Variants in RAD51B observed in about 807,000 individuals in gnomAD.
RAD51B encodes DNA repair protein RAD51 homolog 2.
RAD51B carries 38 observed loss-of-function variants against 42.2 expected under a neutral mutation model. The ratio of observed to expected loss-of-function variants is 0.90; its 90% CI spans 0.70 to 1.18. The LOEUF (loss-of-function observed/expected upper bound fraction) is 1.18, where lower values mean the gene tolerates loss of function less well. Ranked by LOEUF, RAD51B falls within the 50% of genes most tolerant of loss-of-function variation. RAD51B has a pLI of 0.00. For synonymous variants in RAD51B, 154 were observed against 145.2 expected (o/e 1.06, Z -0.43); for missense variants, 373 against 400.7 (o/e 0.93, Z 0.59).
intron 8 of RAD51B, among the ~76,000 whole-genome samples, chr14:68,400,517 A>G (rs2084070305): frequency 6.6e-6 from 1 of 152,210 alleles, no homozygotes; most frequent in African/African-American, 2.4e-5. Flanking sequence ...GTGACCATGT[A>G]TAATACACAA....
At chr14:68,140,852 T>A (rs892710632) in intron 7 of RAD51B, among the ~76,000 whole-genome samples, 1 of 152,200 alleles carries the variant, frequency 6.6e-6, no homozygotes, top group Non-Finnish European at 1.5e-5. Context: ...GTTAGGCAAA[T>A]CTGGTTAATT....
intron 3 of RAD51B, 39 bp downstream of exon 3, chr14:67,825,616 T>G (rs781395676): frequency 1.2e-5 from 17 of 1,443,938 alleles, no homozygotes; most frequent in Non-Finnish European, 1.6e-5. Flanking sequence ...TATGAATGAT[T>G]CCTCATCTCA....
chr14:68,347,093 A>AT (rs141008089), intron 8 of RAD51B, among the ~76,000 whole-genome samples: 6,878 of 146,820 alleles, frequency 0.047, 460 homozygotes, highest in African/African-American at 0.15. Flanking sequence ...TCCTCAACAC[A>AT]TTTTTTTTTT....
chr14:68,365,959 A>G (rs1451767787), intron 8 of RAD51B, among the ~76,000 whole-genome samples: 1 of 152,104 alleles, frequency 6.6e-6, no homozygotes, highest in African/African-American at 2.4e-5. Context: ...TTAGGCAGGA[A>G]GGTGAGTTTT....
chr14:68,286,246 T>G (rs2081413086), intron 7 of RAD51B, among the ~76,000 whole-genome samples: 2 of 152,238 alleles, frequency 1.3e-5, no homozygotes, highest in African/African-American at 4.8e-5. Context: ...ACTATTGGTC[T>G]TAGGTGACTC....
chr14:68,491,027 T>C (rs1043269073), intron 10 of RAD51B, among the ~76,000 whole-genome samples: 1 of 152,104 alleles, frequency 6.6e-6, no homozygotes, highest in Non-Finnish European at 1.5e-5. Context: ...GAGTTATGGA[T>C]AAAAAGGGAG....
rs189203654 is a variant in RAD51B at position 67,954,957 on chromosome 14, G to A, written c.756+67753G>A. On this transcript the variant is annotated intron_variant, in intron 7 of 10. Transcript: ENST00000471583. ...ATGTTTAGAGATCAGAGGAGTAAGA[G>A]GACAGGAGATGGGTGGAGGTATAGG... Among the ~76,000 whole-genome samples, 139 of 152,176 alleles carry A rather than the reference G, an allele frequency of 9.1e-4. 1 individual carries two copies. Among genetic ancestry groups the A allele is most frequent in the African/African-American group, 3.3e-3 (136 of 41,532 alleles).
At chr14:68,390,368 T>G (rs1049780958) in intron 8 of RAD51B, among the ~76,000 whole-genome samples, 1 of 152,268 alleles carries the variant, frequency 6.6e-6, no homozygotes, top group Non-Finnish European at 1.5e-5. Context: ...TTGCTAAATA[T>G]TCACATTTGG....
intron 11 of RAD51B, among the ~76,000 whole-genome samples, chr14:68,654,594 G>A (rs1019456687): frequency 1.3e-5 from 2 of 152,188 alleles, no homozygotes; most frequent in African/African-American, 4.8e-5. Flanking sequence ...GTGTGAACAG[G>A]GCTGTTTCTG....
At chr14:67,941,901 CA>C (rs2045223175) in intron 7 of RAD51B, among the ~76,000 whole-genome samples, 1 of 152,178 alleles carries the variant, frequency 6.6e-6, no homozygotes, top group Non-Finnish European at 1.5e-5. Context: ...GCTGGGAAAG[CA>C]GAATGAAAGC....
intron 7 of RAD51B, among the ~76,000 whole-genome samples, chr14:68,134,095 G>C (rs1335655022): frequency 4.6e-5 from 7 of 152,100 alleles, no homozygotes. Flanking sequence ...GCCACATCCT[G>C]CTAGCCACAC....
chr14:68,190,712 C>G (rs2079248048), intron 7 of RAD51B, among the ~76,000 whole-genome samples: 6 of 152,104 alleles, frequency 3.9e-5, no homozygotes, highest in Admixed American at 3.9e-4. Flanking sequence ...TAAAATTTTC[C>G]TGACTCCATT....
intron 7 of RAD51B, among the ~76,000 whole-genome samples, chr14:68,103,847 T>A (rs2077332123): frequency 6.6e-6 from 1 of 152,200 alleles, no homozygotes; most frequent in Non-Finnish European, 1.5e-5. Flanking sequence ...GTTCTATGGA[T>A]GAGAAATGTA....
At chr14:68,230,319 A>G (rs1390582812) in intron 7 of RAD51B, among the ~76,000 whole-genome samples, 1 of 152,240 alleles carries the variant, frequency 6.6e-6, no homozygotes, top group East Asian at 1.9e-4. Flanking sequence ...TTTTCAGAGT[A>G]GGACATCTGT....
chr14:67,928,003 T>TG lies in RAD51B; in HGVS notation c.756+40800dup, dbSNP rs1314312263. ...TTGTCTGGTTTTGGTATCAGGGTAATGCTGGCCTCATAGAATGAGTTAGGG... is the reference window on the plus strand; with the variant it reads ...TTGTCTGGTTTTGGTATCAGGGTAATGGCTGGCCTCATAGAATGAGTTAGGG... On this transcript the variant is annotated intron_variant, in intron 7 of 10. Coordinates refer to ENST00000471583, the MANE Select transcript of RAD51B (RefSeq NM_133510.4). Among the ~76,000 whole-genome samples the TG allele has an allele frequency of 7.9e-5, 12 of 152,218 alleles. No individual in the cohort carries two copies. In the South Asian group the frequency reaches 2.5e-3, roughly 32 times the overall value.
intron 7 of RAD51B, among the ~76,000 whole-genome samples, chr14:68,075,933 T>C (rs1280742819): frequency 6.6e-6 from 1 of 152,238 alleles, no homozygotes; most frequent in Non-Finnish European, 1.5e-5. Context: ...CAGTTGTCTC[T>C]GGGATGTCCT....
chr14:68,599,882 G>T (rs1891149640), downstream of RAD51B, among the ~76,000 whole-genome samples: 1 of 152,220 alleles, frequency 6.6e-6, no homozygotes, highest in Admixed American at 6.5e-5. Context: ...GCTCCCGAAA[G>T]ATTAGGCTTC....
downstream of RAD51B, among the ~76,000 whole-genome samples, chr14:68,478,570 G>A (rs536342401): frequency 2.3e-4 from 35 of 152,354 alleles, 1 homozygote; most frequent in African/African-American, 7.9e-4. Flanking sequence ...TTCAGGGCAA[G>A]GTCTGGGGGC....
chr14:68,049,127 A>G (rs1203293679), intron 7 of RAD51B, among the ~76,000 whole-genome samples: 1 of 150,970 alleles, frequency 6.6e-6, no homozygotes, highest in African/African-American at 2.4e-5. Flanking sequence ...CAAACACTGC[A>G]TGTTCTCACT....
Sources: allele counts gnomAD v4.1 joint callset (sites outside exome capture counted in the v4.1 genomes callset), GRCh38; gene constraint gnomAD v4.1.1; transcripts MANE v1.5; gene names NCBI Gene and HGNC (gene_info 2026-07-23, HGNC 2026-07-21).